MARCHF7: variants seen among roughly 807,000 people sequenced by gnomAD.
MARCHF7 encodes membrane associated ring-CH-type finger 7.
Under a neutral mutation model 76.5 loss-of-function variants are expected in MARCHF7, and 20 were observed. That is an observed-to-expected ratio of 0.26 (90% CI 0.18 to 0.38). The LOEUF (loss-of-function observed/expected upper bound fraction) is 0.38. MARCHF7 is among the 10% of genes least tolerant of loss of function. The probability of loss-of-function intolerance (pLI) is 1.00; values close to 1 mark genes in which losing one functional copy is unlikely to be tolerated. For missense variants in MARCHF7, 797 were observed against 812.9 expected (o/e 0.98, Z 0.24); for synonymous variants, 295 against 293.0 (o/e 1.01, Z -0.07).
chr2:159,739,977 TCTG>T (rs1421717084), intron 4 of MARCHF7, among the ~76,000 whole-genome samples: 1 of 152,226 alleles, frequency 6.6e-6, no homozygotes, highest in East Asian at 1.9e-4. Flanking sequence ...ATTATCTAAA[TCTG>T]CTCCCCTATA....
In MARCHF7 at chr2:159,769,650, A is replaced by ATG. The variant is rs1708072092; in HGVS notation, c.*2309_*2310insGT. The ATG allele has an allele frequency of 6.6e-6, 1 of 151,754 alleles. No homozygotes were observed. The highest frequency in any genetic ancestry group is 2.4e-5 in the African/African-American group (1 of 41,232). The allele number at this position is 151,754 out of a possible 1,614,324, so 9.4% of individuals were successfully genotyped here. On this transcript the variant is annotated 3_prime_UTR_variant, in exon 12 of 12. Transcript: ENST00000409175. Reference sequence around the variant, plus strand: ...AGCACAGTGAGACTCCATCATATATATATATATAGCACTTCATTACCAGAG... The same window carrying ATG: ...AGCACAGTGAGACTCCATCATATATATGTATATATAGCACTTCATTACCAGAG...
intron 8 of MARCHF7, among the ~76,000 whole-genome samples, chr2:159,753,597 G>A (rs913758135): frequency 2.0e-5 from 3 of 151,912 alleles, no homozygotes; most frequent in African/African-American, 4.8e-5. Context: ...AAGTTAGTTC[G>A]TGCAAGACTT....
chr2:159,734,242 A>C (rs1464296861), intron 4 of MARCHF7, among the ~76,000 whole-genome samples: 2 of 151,934 alleles, frequency 1.3e-5, no homozygotes, highest in African/African-American at 4.8e-5. Flanking sequence ...CCTTGTTGAG[A>C]GGTTGATTAC....
At chr2:159,734,981 CAAAAA>C (rs1703281886) in intron 4 of MARCHF7, among the ~76,000 whole-genome samples, 1 of 152,024 alleles carries the variant, frequency 6.6e-6, no homozygotes, top group South Asian at 2.1e-4. Flanking sequence ...GACCCTGTCT[CAAAAA>C]GAAAAAGATT....
At chr2:159,751,651 A>AT (rs965798698) in intron 7 of MARCHF7, among the ~76,000 whole-genome samples, 6 of 152,212 alleles carry the variant, frequency 3.9e-5, no homozygotes, top group Admixed American at 3.3e-4. Flanking sequence ...AATTTACTGT[A>AT]TACCTGTTTC....
At chr2:159,713,611 A>G (rs1416539495) in intron 1 of MARCHF7, among the ~76,000 whole-genome samples, 1 of 152,226 alleles carries the variant, frequency 6.6e-6, no homozygotes, top group Admixed American at 6.5e-5. Flanking sequence ...ATCCAATAGT[A>G]TACAGTTATT....
chr2:159,765,471 CCAA>C (rs1707657604), intron 11 of MARCHF7, among the ~76,000 whole-genome samples: 1 of 152,094 alleles, frequency 6.6e-6, no homozygotes, highest in Non-Finnish European at 1.5e-5. Context: ...ATTACCCCAC[CCAA>C]CCCCTACATA....
At chr2:159,733,660 T>C in intron 4 of MARCHF7, 1 of 985,118 alleles carries the variant, frequency 1.0e-6, no homozygotes, top group Non-Finnish European at 1.2e-6. Context: ...GAAAAGAGGG[T>C]CAGGGGGTAG....
At position 159,769,573 on chromosome 2, in the gene MARCHF7, A is replaced by C. The variant is rs992841846; in HGVS notation, c.*2231A>C. On this transcript the variant is annotated 3_prime_UTR_variant, in exon 12 of 12. Coordinates refer to ENST00000409175, the MANE Select transcript of MARCHF7 (RefSeq NM_001282805.2). ...GCAGGAGAATTGCTTGAAAACCTGC[A>C]AGGCGGAGATTGGAGAGAGCCAAGA... The C allele has an allele frequency of 1.3e-5, 2 of 152,180 alleles. No individual in the cohort carries two copies. Among genetic ancestry groups the C allele is most frequent in the African/African-American group, 2.4e-5 (1 of 41,400 alleles). 9.4% of individuals were successfully genotyped at this position (152,180 alleles called of 1,614,324 possible).
At chr2:159,714,359 T>C (rs560019601) in intron 1 of MARCHF7, among the ~76,000 whole-genome samples, 198 bp from the exon 2 acceptor site, 2 of 152,234 alleles carry the variant, frequency 1.3e-5, no homozygotes, top group Non-Finnish European at 2.9e-5. Context: ...ACTCACTGTT[T>C]AGTCATCAGA....
At chr2:159,756,099 A>T (rs72996649) in intron 8 of MARCHF7, among the ~76,000 whole-genome samples, 1,950 of 152,264 alleles carry the variant, frequency 0.013, 51 homozygotes, top group African/African-American at 0.044. Flanking sequence ...GAGAGATTAC[A>T]TGTAAAGTGC....
intron 6 of MARCHF7, among the ~76,000 whole-genome samples, chr2:159,747,456 C>G (rs893193592): frequency 6.6e-6 from 1 of 151,970 alleles, no homozygotes; most frequent in Non-Finnish European, 1.5e-5. Context: ...TTGGCCTGTT[C>G]AAAATCGTCT....
intron 8 of MARCHF7, among the ~76,000 whole-genome samples, chr2:159,755,509 G>A (rs1488827813): frequency 6.6e-6 from 1 of 152,094 alleles, no homozygotes; most frequent in Non-Finnish European, 1.5e-5. Flanking sequence ...CTCACTTCTT[G>A]GTCCTGAGTT....
At chr2:159,766,462 T>C (rs1707772671) in intron 11 of MARCHF7, among the ~76,000 whole-genome samples, 1 of 152,202 alleles carries the variant, frequency 6.6e-6, no homozygotes, top group Non-Finnish European at 1.5e-5. Flanking sequence ...TTAAACCGTT[T>C]TGCCCTATAA....
chr2:159,743,371 G>A, intron 5 of MARCHF7, 118 bp downstream of exon 5: 6 of 902,172 alleles, frequency 6.7e-6, no homozygotes, highest in Non-Finnish European at 9.9e-6. Flanking sequence ...CAGAAATGTA[G>A]TGGAATTTCC....
chr2:159,745,868 A>G lies in MARCHF7; in HGVS notation c.445A>G (p.Arg149Gly), dbSNP rs150491032. Residue 149 changes from arginine to glycine, a missense_variant, in exon 6 of 12, where the codon AGA (arginine) becomes GGA (glycine). Arg to Gly is a moderately radical substitution (Grantham distance 125). This residue lies in a region of MARCHF7 where 643 missense variants were observed against 631.5 expected (regional missense o/e 1.02). Coordinates refer to ENST00000409175, the MANE Select transcript of MARCHF7 (RefSeq NM_001282805.2). ...GAGAGAGAGGAGAGATTTGGAGAGA[A>G]GAACAGATTCCTCTATTAGTAATCT... is the stretch of plus-strand genomic sequence containing the variant. Reference protein sequence around the residue: ...LMRERRDLERRTDSSISNLMD... With the variant: ...LMRERRDLERGTDSSISNLMD... 5.6e-6 allele frequency: 9 copies of G among 1,612,856 alleles called. No homozygotes were observed. The African/African-American group carries it at 1.2e-4, about 22-fold the overall frequency.
At position 159,769,407 on chromosome 2, in the gene MARCHF7, C is replaced by G. The variant is rs1290109394; in HGVS notation, c.*2065C>G. 6.6e-6 allele frequency: 1 copy of G among 152,142 alleles called. No individual in the cohort carries two copies. The highest frequency in any genetic ancestry group is 6.6e-5 in the Admixed American group (1 of 15,266). The allele number at this position is 152,142 out of a possible 1,614,324, so 9.4% of individuals were successfully genotyped here. A position where few individuals can be genotyped will look rare whatever the true frequency, so the allele number is the denominator to read the frequency against. ...CATGTAATCCCAGCACTTTGGGAGA[C>G]CAAGGTGGGTGGATCACTTGAGGTC... On this transcript the variant is annotated 3_prime_UTR_variant, in exon 12 of 12. Transcript: ENST00000409175.
At chr2:159,731,404 A>T (rs1702770145) in intron 4 of MARCHF7, among the ~76,000 whole-genome samples, 1 of 152,180 alleles carries the variant, frequency 6.6e-6, no homozygotes, top group Non-Finnish European at 1.5e-5. Context: ...TCTCCTTAAG[A>T]TATGACCGTT....
At chr2:159,746,720 A>C (rs1226967671) in intron 6 of MARCHF7, among the ~76,000 whole-genome samples, 1 of 152,200 alleles carries the variant, frequency 6.6e-6, no homozygotes, top group East Asian at 1.9e-4. Context: ...ATCATTGTAC[A>C]TAGCCTTAAA....
Sources: allele counts gnomAD v4.1 joint callset (sites outside exome capture counted in the v4.1 genomes callset), GRCh38; gene constraint gnomAD v4.1.1; regional missense constraint gnomAD v4.1.1; transcripts MANE v1.5; gene names NCBI Gene and HGNC (gene_info 2026-07-23, HGNC 2026-07-21).